BICD1: variants seen among roughly 807,000 people sequenced by gnomAD.
The protein encoded by BICD1 is protein bicaudal D homolog 1.
In BICD1, 35 loss-of-function variants were observed where a neutral mutation model predicts 92.5. That is an observed-to-expected ratio of 0.38 (90% CI 0.29 to 0.50). The LOEUF (loss-of-function observed/expected upper bound fraction) is 0.50. Among genes scored for constraint, BICD1 ranks in the 20% least tolerant of loss-of-function variants. The probability of loss-of-function intolerance (pLI) is 0.93; values close to 1 mark genes in which losing one functional copy is unlikely to be tolerated. For missense variants in BICD1, 950 were observed against 1,189.8 expected, an observed-to-expected ratio of 0.80 and a Z score of 2.97; for synonymous variants, 429 against 465.1, an observed-to-expected ratio of 0.92 and a Z score of 1.00.
At chr12:32,255,648 C>A (rs928711476) in intron 2 of BICD1, among the ~76,000 whole-genome samples, 1 of 152,212 alleles carries the variant, frequency 6.6e-6, no homozygotes, top group African/African-American at 2.4e-5. Flanking sequence ...CTGCTCCAGC[C>A]ACACTGGCCT....
At chr12:32,226,238 G>C (rs571205884) in intron 2 of BICD1, among the ~76,000 whole-genome samples, 1 of 152,176 alleles carries the variant, frequency 6.6e-6, no homozygotes, top group Admixed American at 6.5e-5. Context: ...GGGTTCAAGC[G>C]ATTCTCCTGC....
rs531607704 is a variant in BICD1 at position 32,229,144 on chromosome 12, A to G, written c.426+12685A>G. Among the ~76,000 whole-genome samples the G allele has an allele frequency of 2.6e-5, 4 of 152,286 alleles. 1 individual carries two copies. Among genetic ancestry groups the G allele is most frequent in the Admixed American group, 2.6e-4 (4 of 15,294 alleles). On this transcript the variant is annotated intron_variant, in intron 2 of 9. Coordinates refer to ENST00000652176, the MANE Select transcript of BICD1 (RefSeq NM_001714.4). Reference sequence around the variant, plus strand: ...TGCATGCCTATAATCCCAGCCACTCAGGAGGCTGAAGCAAGAGAATTGCTT... The same window carrying G: ...TGCATGCCTATAATCCCAGCCACTCGGGAGGCTGAAGCAAGAGAATTGCTT...
intron 1 of BICD1, among the ~76,000 whole-genome samples, chr12:32,178,852 C>A (rs1252036887): frequency 6.6e-6 from 1 of 151,978 alleles, no homozygotes; most frequent in Non-Finnish European, 1.5e-5. Flanking sequence ...CTCTGCACTG[C>A]TGCAGGCTGT....
intron 2 of BICD1, among the ~76,000 whole-genome samples, chr12:32,240,708 A>T (rs993797112): frequency 5.9e-5 from 9 of 152,140 alleles, no homozygotes; most frequent in Admixed American, 5.2e-4. Context: ...GGGGACCAAT[A>T]CTCAGCCACA....
intron 1 of BICD1, among the ~76,000 whole-genome samples, chr12:32,181,696 A>G (rs1944277333): frequency 6.6e-6 from 1 of 151,976 alleles, no homozygotes; most frequent in African/African-American, 2.4e-5. Context: ...ATCATTTTTC[A>G]CTCACTGGCT....
intron 1 of BICD1, among the ~76,000 whole-genome samples, chr12:32,123,871 C>T (rs867040027): frequency 1.3e-5 from 2 of 148,864 alleles, no homozygotes; most frequent in Non-Finnish European, 3.0e-5. Context: ...AGCAAGACTC[C>T]GTCTGAAAAG....
chr12:32,247,300 A>T (rs1376821048), intron 2 of BICD1, among the ~76,000 whole-genome samples: 1 of 151,898 alleles, frequency 6.6e-6, no homozygotes, highest in Non-Finnish European at 1.5e-5. Context: ...AATTGGATAC[A>T]CAAGTCTGGG....
intron 2 of BICD1, among the ~76,000 whole-genome samples, chr12:32,216,959 C>T (rs573906873): frequency 6.6e-6 from 1 of 152,308 alleles, no homozygotes; most frequent in South Asian, 2.1e-4. Flanking sequence ...GAGAAGGCAG[C>T]AAATTATGGC....
chr12:32,319,164 AACTCTAGT>A (rs1284243294), intron 4 of BICD1, among the ~76,000 whole-genome samples: 2 of 152,208 alleles, frequency 1.3e-5, no homozygotes, highest in Non-Finnish European at 2.9e-5. Context: ...CCCTGGCTAG[AACTCTAGT>A]ACAATGATGA....
intron 1 of BICD1, among the ~76,000 whole-genome samples, chr12:32,139,581 T>TGA (rs1942836153): frequency 1.3e-5 from 2 of 152,238 alleles, no homozygotes; most frequent in Admixed American, 6.5e-5. Flanking sequence ...TTTGTTTGTT[T>TGA]GAGACGGAGT....
In BICD1 at chr12:32,373,531, C is replaced by CT. The variant is rs553792476; in HGVS notation, c.2841-4008dup. On this transcript the variant is annotated intron_variant, in intron 9 of 9. Transcript: ENST00000652176. Reference sequence around the variant, plus strand: ...GTTGTAACCCATATTTAAGCTATAGCTACACACTTCAGCTGGTCAGGAAGA... The same window carrying CT: ...GTTGTAACCCATATTTAAGCTATAGCTTACACACTTCAGCTGGTCAGGAAGA... 1.1e-3 allele frequency among the ~76,000 whole-genome samples: 166 copies of CT among 152,262 alleles called. 1 individual carries two copies. The highest frequency in any genetic ancestry group is 3.4e-3 in the Middle Eastern group (1 of 294).
chr12:32,117,727 CACACACACAT>C (rs1312721146), intron 1 of BICD1, among the ~76,000 whole-genome samples: 14 of 107,156 alleles, frequency 1.3e-4, no homozygotes, highest in African/African-American at 4.5e-4. Flanking sequence ...CACACACACA[CACACACACAT>C]ATATATATAT....
chr12:32,114,002 T>A (rs1941797969), intron 1 of BICD1, among the ~76,000 whole-genome samples: 1 of 151,960 alleles, frequency 6.6e-6, no homozygotes, highest in Non-Finnish European at 1.5e-5. Context: ...CACCTGTAGA[T>A]GGGATTATAG....
At chr12:32,327,078 G>C (rs1948795621) in intron 4 of BICD1, among the ~76,000 whole-genome samples, 1 of 152,098 alleles carries the variant, frequency 6.6e-6, no homozygotes, top group Non-Finnish European at 1.5e-5. Context: ...CTTATGATCT[G>C]AAAAGCAGAT....
intron 1 of BICD1, among the ~76,000 whole-genome samples, chr12:32,215,787 A>C (rs551811992): frequency 1.3e-5 from 1 of 77,758 alleles, no homozygotes; most frequent in East Asian, 8.3e-4. Context: ...GTCTCTACTA[A>C]AAATACAAAA....
chr12:32,275,123 A>G (rs1191812306), intron 2 of BICD1, among the ~76,000 whole-genome samples: 2 of 152,186 alleles, frequency 1.3e-5, no homozygotes, highest in African/African-American at 2.4e-5. Flanking sequence ...CTCATATTTC[A>G]GTCCCCTGAG....
intron 1 of BICD1, among the ~76,000 whole-genome samples, chr12:32,182,029 G>T (rs550261351): frequency 3.3e-5 from 5 of 152,028 alleles, no homozygotes; most frequent in Non-Finnish European, 7.4e-5. Flanking sequence ...TTAGCTGCTA[G>T]AAATGAAAAA....
intron 1 of BICD1, among the ~76,000 whole-genome samples, chr12:32,110,919 A>C (rs898883689): frequency 6.6e-6 from 1 of 151,904 alleles, no homozygotes; most frequent in Non-Finnish European, 1.5e-5. Context: ...GCACACCAGC[A>C]TGGCACATGT....
At chr12:32,299,445 A>G (rs138948462) in intron 3 of BICD1, among the ~76,000 whole-genome samples, 2 of 152,320 alleles carry the variant, frequency 1.3e-5, no homozygotes, top group African/African-American at 4.8e-5. Context: ...CTTAGGTGTT[A>G]AAAGAGGAAT....
Sources: allele counts gnomAD v4.1 joint callset (sites outside exome capture counted in the v4.1 genomes callset), GRCh38; gene constraint gnomAD v4.1.1; transcripts MANE v1.5; gene names NCBI Gene and HGNC (gene_info 2026-07-23, HGNC 2026-07-21).